Variants in MGAM observed in about 807,000 individuals in gnomAD.
MGAM encodes the protein alpha-1,4-glucosidase.
Under a neutral mutation model 358.8 loss-of-function variants are expected in MGAM, and 253 were observed. The ratio of observed to expected loss-of-function variants is 0.71; its 90% CI spans 0.64 to 0.78. MGAM has a LOEUF of 0.78. Among genes scored for constraint, MGAM ranks in the 30% least tolerant of loss-of-function variants. The probability of loss-of-function intolerance (pLI) is 0.00; values close to 1 mark genes in which losing one functional copy is unlikely to be tolerated. For synonymous variants in MGAM, 1,105 were observed against 1,227.1 expected (o/e 0.90, Z 2.08); for missense variants, 3,080 against 3,432.6 (o/e 0.90, Z 2.57).
chr7:142,000,965 T>C (rs1804687372), intron 1 of MGAM, among the ~76,000 whole-genome samples: 1 of 152,192 alleles, frequency 6.6e-6, no homozygotes, highest in Admixed American at 6.5e-5. Context: ...TTACAACTAT[T>C]AGCATCTACC....
In MGAM at chr7:142,031,003, A is replaced by C. The variant is rs113839191; in HGVS notation, c.1470+246A>C. On this transcript the variant is annotated intron_variant, in intron 12 of 70. Transcript: ENST00000475668. ...ACAACAGCTCACACACTGAGTGTCC[A>C]CTTTCTCACCTCCCACACACTCTGC... is the stretch of plus-strand genomic sequence containing the variant. Among the ~76,000 whole-genome samples, 1,457 of 152,082 alleles carry C rather than the reference A, an allele frequency of 9.6e-3. 33 individuals carry two copies. The highest frequency in any genetic ancestry group is 0.033 in the African/African-American group (1,374 of 41,468).
intron 68 of MGAM, among the ~76,000 whole-genome samples, chr7:142,102,130 T>C (rs1322814411): frequency 6.6e-6 from 1 of 152,152 alleles, no homozygotes; most frequent in Non-Finnish European, 1.5e-5. Context: ...TTTTCTTTGA[T>C]CATCTTTGTT....
At chr7:142,041,951 T>TAATATATAATATATATATTATATATATAC (rs1261955228) in intron 21 of MGAM, among the ~76,000 whole-genome samples, 2 of 11,438 alleles carry the variant, frequency 1.7e-4, no homozygotes, top group Non-Finnish European at 3.5e-4. Context: ...TATATATACA[T>TAATATATAATATATATATTATATATATAC]ATATATAATA....
chr7:142,022,018 T>C (rs1554459041), intron 6 of MGAM, among the ~76,000 whole-genome samples: 1 of 152,124 alleles, frequency 6.6e-6, no homozygotes, highest in East Asian at 1.9e-4. Context: ...TCTCCTATCG[T>C]AAGTATAGTG....
In MGAM at chr7:142,008,699, A is replaced by C. The variant is rs200638332; in HGVS notation, c.321A>C (p.Pro107=). 5 of 1,612,108 alleles carry C rather than the reference A, an allele frequency of 3.1e-6. No homozygotes were observed. The highest frequency in any genetic ancestry group is 4.2e-6 in the Non-Finnish European group (5 of 1,179,044). The change falls in exon 3 of 71, where the codon CCA becomes CCC. Residue 107 remains proline (P), a synonymous_variant. Coordinates refer to ENST00000475668, the MANE Select transcript of MGAM (RefSeq NM_001365693.1). ...TTAATTGCATCCCTGACCAGCCGCC[A>C]ACAAAGGTTTGAGTTATGAATTTTG... ...ERINCIPDQP[P]TKATCDQRGC...
rs999876354 is a variant in MGAM at position 142,076,826 on chromosome 7, G to A, written c.5493G>A (p.Lys1831=). The change falls in exon 47 of 71, where the codon AAG becomes AAA. Residue 1831 remains lysine, a splice_region_variant and synonymous_variant. Coordinates refer to ENST00000475668, the MANE Select transcript of MGAM (RefSeq NM_001365693.1). The part of the protein sequence containing the change: ...SPTVTYDSNL[K]VAIITDINLF... ...CAGTCACTTATGATTCTAACCTGAAGGTAAAAACCCATTTTGTTGAGATGG... is the reference window on the plus strand; with the variant it reads ...CAGTCACTTATGATTCTAACCTGAAAGTAAAAACCCATTTTGTTGAGATGG... 1.3e-6 allele frequency: 2 copies of A among 1,551,890 alleles called. No individual in the cohort carries two copies. The highest frequency in any genetic ancestry group is 1.8e-6 in the Non-Finnish European group (2 of 1,129,278).
rs1490766298 is a variant in MGAM, at chr7:142,091,939, A to C, written c.6837A>C (p.Pro2279=). The change falls in exon 58 of 71, where the codon CCA becomes CCC. Residue 2279 remains proline (P), a synonymous_variant. Transcript: ENST00000475668. ...TATATCGAGCTTATGTGGCCTTCCC[A>C]GACTTTTTCCGTAATTCAACTGCCA... ...VELYRAYVAF[P]DFFRNSTAKW... The C allele has an allele frequency of 6.6e-7, 1 of 1,525,174 alleles. No homozygotes were observed. Among genetic ancestry groups the C allele is most frequent in the Admixed American group, 1.8e-5 (1 of 55,466 alleles). The allele number at this position is 1,525,174 out of a possible 1,614,324, so 94.5% of individuals were successfully genotyped here.
Position 142,103,403 on chromosome 7 carries a change from C to T in MGAM, c.8148C>T (p.Val2716=), listed in dbSNP as rs1816597968. 2 of 1,609,746 alleles carry T rather than the reference C, an allele frequency of 1.2e-6. No homozygotes were observed. Among genetic ancestry groups the T allele is most frequent in the South Asian group, 2.2e-5 (2 of 90,134 alleles). Residue 2716 remains valine, a synonymous_variant, in exon 70 of 71, where the codon GTC becomes GTT. Coordinates refer to ENST00000475668, the MANE Select transcript of MGAM (RefSeq NM_001365693.1). ...TCAGCATCTCTGTGAGTGGCATGGT[C>T]ATAACACCCTCCTTCAACAATGACC... is the stretch of plus-strand genomic sequence containing the variant. ...TSVSISVSGM[V]ITPSFNNDPT...
chr7:142,035,735 G>T (rs1364606987), intron 16 of MGAM, among the ~76,000 whole-genome samples: 1 of 152,136 alleles, frequency 6.6e-6, no homozygotes, highest in Non-Finnish European at 1.5e-5. Flanking sequence ...AGATCTAAAA[G>T]GTTGAACAGC....
chr7:142,054,545 A>G (rs967097275), intron 26 of MGAM, among the ~76,000 whole-genome samples: 1 of 152,168 alleles, frequency 6.6e-6, no homozygotes, highest in South Asian at 2.1e-4. Flanking sequence ...CATTGAGTTT[A>G]TTAAGGTAAT....
At chr7:142,095,478 T>C in intron 63 of MGAM, 87 bp from the exon 64 acceptor site, 17 of 1,575,150 alleles carry the variant, frequency 1.1e-5, no homozygotes, top group Non-Finnish European at 1.5e-5. Flanking sequence ...GTGAGTGATC[T>C]TCAATTGGAG....
intron 8 of MGAM, 82 bp downstream of exon 8, chr7:142,025,231 TC>T: frequency 9.2e-7 from 1 of 1,091,872 alleles, no homozygotes; most frequent in East Asian, 2.4e-5. Flanking sequence ...AAGGAATGGA[TC>T]CCTTTAAGAG....
intron 57 of MGAM, among the ~76,000 whole-genome samples, chr7:142,088,054 T>C (rs1426752157): frequency 6.9e-6 from 1 of 145,968 alleles, no homozygotes; most frequent in Admixed American, 6.9e-5. Context: ...GAAAGGCAGA[T>C]ATTAGACAGA....
rs559620536 is a variant in MGAM, at chr7:142,092,563, C to A, written c.6988C>A (p.Pro2330Thr). ...AAGCTTCGTGAATGGGGCAGTTTCT[C>A]CAGGCTGCAGGGATGCCTCTCTGAA... Reference protein sequence around the residue: ...PSSFVNGAVSPGCRDASLNHP... With the variant: ...PSSFVNGAVSTGCRDASLNHP... The change falls in exon 59 of 71, where the codon CCA (proline) becomes ACA (threonine). Residue 2330 changes from proline to threonine, a missense_variant. By Grantham distance (38) the Pro-to-Thr change is conservative. This residue lies in a region of MGAM where 932 missense variants were observed against 1,198.2 expected (regional missense o/e 0.78). Coordinates refer to ENST00000475668, the MANE Select transcript of MGAM (RefSeq NM_001365693.1). The A allele has an allele frequency of 2.6e-6, 4 of 1,549,220 alleles. 1 individual carries two copies. The highest frequency in any genetic ancestry group is 3.5e-5 in the Admixed American group (2 of 57,612).
chr7:142,040,949 T>C, intron 21 of MGAM, 103 bp downstream of exon 21: 1 of 1,392,548 alleles, frequency 7.2e-7, no homozygotes, highest in African/African-American at 1.5e-5. Context: ...GCCTCTTTGG[T>C]TTGGCCACGA....
At chr7:142,079,968 A>G (rs1814103723) in intron 49 of MGAM, among the ~76,000 whole-genome samples, 1 of 146,160 alleles carries the variant, frequency 6.8e-6, no homozygotes, top group Non-Finnish European at 1.5e-5. Flanking sequence ...TGACTACTCT[A>G]CCTCTTGACC....
intron 53 of MGAM, among the ~76,000 whole-genome samples, chr7:142,084,077 G>A (rs184892084): frequency 6.8e-6 from 1 of 146,398 alleles, no homozygotes; most frequent in Admixed American, 6.9e-5. Context: ...GCATGTTAGA[G>A]CACTTTGCAC....
chr7:141,987,200 TAGG>T (rs1803749390), intron 2 of MGAM, among the ~76,000 whole-genome samples: 1 of 152,092 alleles, frequency 6.6e-6, no homozygotes, highest in African/African-American at 2.4e-5. Context: ...GATGAAGAAA[TAGG>T]AGAATTACAT....
At position 142,080,313 on chromosome 7, in the gene MGAM, C is replaced by A. The variant is rs112728294; in HGVS notation, c.5848-478C>A. ...TAACACTGCCTTATTGAGCTCACAT[C>A]CCTAGTGTCTTGTGCAGTGTCAGGC... On this transcript the variant is annotated intron_variant, in intron 49 of 70. Transcript: ENST00000475668. Among the ~76,000 whole-genome samples, 367 of 146,340 alleles carry A rather than the reference C, an allele frequency of 2.5e-3. 15 individuals are homozygous for A. Among genetic ancestry groups the A allele is most frequent in the African/African-American group, 8.4e-3 (345 of 41,222 alleles).
Sources: gnomAD v4.1 joint callset for allele counts (sites outside exome capture counted in the v4.1 genomes callset) on GRCh38, gnomAD v4.1.1 for gene constraint, gnomAD v4.1.1 regional missense constraint, MANE v1.5 for transcripts, NCBI Gene and HGNC (gene_info 2026-07-23, HGNC 2026-07-21) for gene names.